ZNF827: variants seen among roughly 807,000 people sequenced by gnomAD.
ZNF827 encodes zinc finger protein 827.
A neutral mutation model predicts 102.4 loss-of-function variants in ZNF827; 13 were observed. The observed-to-expected ratio is 0.13, with a 90% confidence interval of 0.08 to 0.20. ZNF827 has a LOEUF of 0.20. Ranked by LOEUF, ZNF827 falls within the 10% of genes least tolerant of loss-of-function variation. The pLI is 1.00. For missense variants in ZNF827, 1,103 were observed against 1,344.4 expected (o/e 0.82, Z 2.81); for synonymous variants, 523 against 536.2 (o/e 0.98, Z 0.34).
chr4:145,809,839 C>T (rs1433218759), intron 8 of ZNF827, among the ~76,000 whole-genome samples: 1 of 152,124 alleles, frequency 6.6e-6, no homozygotes, highest in African/African-American at 2.4e-5. Flanking sequence ...CCCCTGCCCA[C>T]CAAATTATCC....
intron 10 of ZNF827, 79 bp from the exon 11 acceptor site, chr4:145,774,751 A>T (rs1579125153): frequency 6.9e-7 from 1 of 1,456,348 alleles, no homozygotes; most frequent in Non-Finnish European, 9.4e-7. Context: ...CCATTTATAC[A>T]CAGTACACTC....
At chr4:145,766,507 T>C (rs1334855057) in intron 11 of ZNF827, among the ~76,000 whole-genome samples, 1 of 152,188 alleles carries the variant, frequency 6.6e-6, no homozygotes, top group Admixed American at 6.5e-5. Flanking sequence ...CCAGGCTTCA[T>C]TGCAGAGAGA....
intron 1 of ZNF827, among the ~76,000 whole-genome samples, chr4:145,935,205 T>C (rs1255712644): frequency 6.6e-6 from 1 of 152,210 alleles, no homozygotes; most frequent in Non-Finnish European, 1.5e-5. Flanking sequence ...AAAACAGTAC[T>C]CCAGTGAAAA....
At chr4:145,917,791 A>G (rs1752775801) in intron 1 of ZNF827, among the ~76,000 whole-genome samples, 2 of 151,018 alleles carry the variant, frequency 1.3e-5, no homozygotes, top group South Asian at 4.2e-4. Context: ...TTCCTACATC[A>G]GTTCCTCTGG....
chr4:145,902,987 A>G lies in ZNF827; in HGVS notation c.272T>C (p.Leu91Pro), dbSNP rs1751551826. ...LELVALDSEV[L>P]RDSLQCQDHL... ...ATCTTGACACTGCAGTGAGTCTCGC[A>G]GGACCTCACTGTCCAGTGCCACCAG... is the stretch of plus-strand genomic sequence containing the variant. The change falls in exon 2 of 15, where the codon CTG (leucine) becomes CCG (proline). Residue 91 changes from leucine to proline, a missense_variant. By Grantham distance (98) the Leu-to-Pro change is moderately conservative. This residue lies in a region of ZNF827 where 441 missense variants were observed against 458.6 expected (regional missense o/e 0.96). Transcript: ENST00000508784. This position sits in a 1 kb window ranked among gnomAD's most constrained non-coding sequence, Gnocchi z 4.3. 5 of 1,614,050 alleles carry G rather than the reference A, an allele frequency of 3.1e-6. No homozygotes were observed. The highest frequency in any genetic ancestry group is 1.7e-5 in the Admixed American group (1 of 60,006).
In ZNF827 at chr4:145,902,803, C is replaced by A; in HGVS notation, c.456G>T (p.Ser152=). Residue 152 remains serine (S), a synonymous_variant, in exon 2 of 15, where the codon TCG becomes TCT. Coordinates refer to ENST00000508784, the MANE Select transcript of ZNF827 (RefSeq NM_001306215.2). This position sits in a 1 kb window ranked among gnomAD's most constrained non-coding sequence, Gnocchi z 4.3. The part of the protein sequence containing the change: ...GRVESPVNVG[S]NLSFSPPSHH... ...GGGAAGGCGGGGAAAAGGAGAGGTT[C>A]GAGCCAACGTTTACGGGGGACTCCA... 6.2e-7 allele frequency: 1 copy of A among 1,614,114 alleles called. No individual in the cohort carries two copies.
chr4:145,866,892 T>A (rs1460140232), intron 5 of ZNF827, among the ~76,000 whole-genome samples: 3 of 152,230 alleles, frequency 2.0e-5, no homozygotes, highest in African/African-American at 7.2e-5. Flanking sequence ...ATTTTCAGCA[T>A]TACATCATAT....
chr4:145,884,866 T>TA (rs1465415862), intron 4 of ZNF827, among the ~76,000 whole-genome samples: 1 of 152,212 alleles, frequency 6.6e-6, no homozygotes, highest in Non-Finnish European at 1.5e-5. Flanking sequence ...GAATTTTTTT[T>TA]AAAAATGTGT....
At position 145,868,197 on chromosome 4, in the gene ZNF827, C is replaced by T. The variant is rs533512729; in HGVS notation, c.1981+2048G>A. Reference sequence around the variant, plus strand: ...TTCTTCCCAGTTTACCTGACCATGGCCACTAGAGTATGGCAGTACTAAGTT... The same window carrying T: ...TTCTTCCCAGTTTACCTGACCATGGTCACTAGAGTATGGCAGTACTAAGTT... On this transcript the variant is annotated intron_variant, in intron 5 of 14. Transcript: ENST00000508784. Among the ~76,000 whole-genome samples, 3 of 152,296 alleles carry T rather than the reference C, an allele frequency of 2.0e-5. No homozygotes were observed. In the East Asian group the frequency reaches 5.8e-4, roughly 29 times the overall value.
chr4:145,866,759 A>G (rs978297401), intron 5 of ZNF827, among the ~76,000 whole-genome samples: 2 of 152,228 alleles, frequency 1.3e-5, no homozygotes, highest in Non-Finnish European at 2.9e-5. Context: ...TACATTTTAT[A>G]TATGTATTCC....
intron 11 of ZNF827, among the ~76,000 whole-genome samples, chr4:145,770,282 G>A (rs1169679187): frequency 6.6e-6 from 1 of 151,544 alleles, no homozygotes; most frequent in Admixed American, 6.6e-5. Flanking sequence ...CTCGGCAACA[G>A]AGTGAGACCC....
At chr4:145,870,601 C>T (rs753551171) in intron 4 of ZNF827, 123 bp from the exon 5 acceptor site, 18 of 841,692 alleles carry the variant, frequency 2.1e-5, no homozygotes, top group Non-Finnish European at 2.8e-5. Flanking sequence ...GGGATCACAA[C>T]CTCATCAGAA....
Position 145,775,920 on chromosome 4 carries a change from A to G in ZNF827, c.2562T>C (p.Ala854=), listed in dbSNP as rs765059931. ...KYKCHLCPYA[A]KCRANLNQHL... ...GCTGGTTCAGATTTGCACGGCACTT[A>G]GCAGCATAGGGGCACAAGTGGCATT... The change falls in exon 10 of 15, where the codon GCT becomes GCC. Residue 854 remains alanine, a synonymous_variant. Coordinates refer to ENST00000508784, the MANE Select transcript of ZNF827 (RefSeq NM_001306215.2). 6.2e-7 allele frequency: 1 copy of G among 1,614,216 alleles called. No homozygotes were observed. The highest frequency in any genetic ancestry group is 1.1e-5 in the South Asian group (1 of 91,088).
In ZNF827 at chr4:145,849,342, T is replaced by G. The variant is rs764624739; in HGVS notation, c.2201A>C (p.Glu734Ala). Residue 734 changes from glutamate (E) to alanine (A), a missense_variant, in exon 6 of 15, where the codon GAG (glutamate) becomes GCG (alanine). Physicochemically the swap from Glu to Ala is moderately radical, Grantham distance 107 (BLOSUM62 -1). Around this residue, in one of 5 missense-constraint regions of ZNF827, gnomAD observed 243 missense variants for 251.6 expected, o/e 0.97. Coordinates refer to ENST00000508784, the MANE Select transcript of ZNF827 (RefSeq NM_001306215.2). ...CATACCTGACAGTTGAAAGAGGAGC[T>G]CGGAAGCCATTTTCACAGAGATATC... ...SQDISVKMAS[E>A]LLFQLSEKVS... 4 of 1,614,092 alleles carry G rather than the reference T, an allele frequency of 2.5e-6. No homozygotes were observed. The highest frequency in any genetic ancestry group is 2.5e-6 in the Non-Finnish European group (3 of 1,179,996).
At chr4:145,884,936 C>T (rs1561039762) in intron 4 of ZNF827, among the ~76,000 whole-genome samples, 1 of 151,892 alleles carries the variant, frequency 6.6e-6, no homozygotes, top group Non-Finnish European at 1.5e-5. Flanking sequence ...AAAGTAGTGG[C>T]CTCCAGGGCC....
In ZNF827 at chr4:145,902,607, C is replaced by T; in HGVS notation, c.652G>A (p.Ala218Thr). The stretch of plus-strand genomic sequence containing the variant: ...TTGTCCTGCAGAACGGCATTGGCTG[C>T]AGCTTTCAGTTTTAGGATGGCTGAA... Reference protein sequence around the residue: ...PDSAILKLKAAANAVLQDKSL... With the variant: ...PDSAILKLKATANAVLQDKSL... The change falls in exon 2 of 15, where the codon GCA (alanine) becomes ACA (threonine). Residue 218 changes from alanine (A) to threonine (T), a missense_variant. Coordinates refer to ENST00000508784, the MANE Select transcript of ZNF827 (RefSeq NM_001306215.2). This position sits in a 1 kb window ranked among gnomAD's most constrained non-coding sequence, Gnocchi z 4.3. 6.2e-7 allele frequency: 1 copy of T among 1,614,076 alleles called. No individual in the cohort carries two copies. The highest frequency in any genetic ancestry group is 1.1e-5 in the South Asian group (1 of 91,082).
intron 4 of ZNF827, among the ~76,000 whole-genome samples, chr4:145,874,648 A>G (rs894470889): frequency 6.6e-6 from 1 of 152,248 alleles, no homozygotes; most frequent in African/African-American, 2.4e-5. Context: ...AAAAGCAACC[A>G]TTTATGACTC....
intron 7 of ZNF827, among the ~76,000 whole-genome samples, chr4:145,835,889 C>A (rs1404332927): frequency 6.6e-6 from 1 of 151,646 alleles, no homozygotes; most frequent in African/African-American, 2.4e-5. Context: ...TCAGGATCTG[C>A]GCCTTATCAA....
chr4:145,810,071 T>C (rs1371860481), intron 8 of ZNF827, among the ~76,000 whole-genome samples: 2 of 152,222 alleles, frequency 1.3e-5, no homozygotes, highest in African/African-American at 4.8e-5. Flanking sequence ...AAAATATAAG[T>C]ATAAATTACT....
Sources: gnomAD v4.1 joint callset for allele counts (sites outside exome capture counted in the v4.1 genomes callset) on GRCh38, gnomAD v4.1.1 for gene constraint, gnomAD v4.1.1 regional missense constraint, Gnocchi (gnomAD v3.1) non-coding constraint, MANE v1.5 for transcripts, NCBI Gene and HGNC (gene_info 2026-07-23, HGNC 2026-07-21) for gene names.